MPPED2: variants seen among roughly 807,000 people sequenced by gnomAD.
MPPED2 encodes the protein metallophosphoesterase domain containing 2.
MPPED2 carries 5 observed loss-of-function variants against 33.0 expected under a neutral mutation model. The observed-to-expected ratio is 0.15, with a 90% CI of 0.08 to 0.32. The LOEUF (loss-of-function observed/expected upper bound fraction) is 0.32. MPPED2 is among the 10% of genes least tolerant of loss of function. MPPED2 has a pLI of 1.00. For synonymous variants in MPPED2, 136 were observed against 141.9 expected, an observed-to-expected ratio of 0.96 and a Z score of 0.29; for missense variants, 275 against 372.1, an observed-to-expected ratio of 0.74 and a Z score of 2.15.
intron 4 of MPPED2, among the ~76,000 whole-genome samples, chr11:30,479,751 G>A (rs1817143236): frequency 6.6e-6 from 1 of 151,998 alleles, no homozygotes. Flanking sequence ...ATTAGTAGCT[G>A]TCTGTTGCTT....
At chr11:30,446,012 T>C (rs1051038966) in intron 4 of MPPED2, among the ~76,000 whole-genome samples, 42 of 152,346 alleles carry the variant, frequency 2.8e-4, no homozygotes, top group African/African-American at 8.7e-4. Context: ...CAGTGGCATG[T>C]GTACATGTGT....
intron 2 of MPPED2, among the ~76,000 whole-genome samples, chr11:30,539,982 C>T (rs1239280312): frequency 6.6e-6 from 1 of 152,084 alleles, no homozygotes; most frequent in East Asian, 1.9e-4. Context: ...TCCCCCTGTG[C>T]AACCCATCCT....
At chr11:30,401,248 T>G (rs1426937294) in intron 6 of MPPED2, among the ~76,000 whole-genome samples, 4 of 152,308 alleles carry the variant, frequency 2.6e-5, no homozygotes, top group Admixed American at 2.0e-4. Flanking sequence ...TCCCATCACT[T>G]GGAAAGAAAC....
At chr11:30,476,339 C>T (rs560382634) in intron 4 of MPPED2, among the ~76,000 whole-genome samples, 44 of 151,812 alleles carry the variant, frequency 2.9e-4, no homozygotes, top group African/African-American at 1.1e-3. Flanking sequence ...TTGCCCATTC[C>T]AAGGTTGCAA....
At chr11:30,423,188 C>A (rs1016079166) in intron 4 of MPPED2, among the ~76,000 whole-genome samples, 16 of 152,152 alleles carry the variant, frequency 1.1e-4, no homozygotes, top group African/African-American at 3.4e-4. Flanking sequence ...TTTACTCCCC[C>A]ACAAACTTCA....
intron 4 of MPPED2, among the ~76,000 whole-genome samples, chr11:30,468,375 C>T (rs1229540820): frequency 6.6e-6 from 1 of 152,126 alleles, no homozygotes; most frequent in Non-Finnish European, 1.5e-5. Context: ...TGTGGCATAG[C>T]CTACCACTGT....
chr11:30,498,355 C>T (rs1952388264), intron 3 of MPPED2, among the ~76,000 whole-genome samples: 1 of 152,060 alleles, frequency 6.6e-6, no homozygotes. Context: ...GAGGTCAAGA[C>T]AGGCAGATCA....
intron 3 of MPPED2, among the ~76,000 whole-genome samples, chr11:30,523,700 T>C (rs1029003983): frequency 3.4e-5 from 5 of 145,280 alleles, no homozygotes; most frequent in African/African-American, 1.0e-4. Context: ...TGATCTCAGC[T>C]CACCGCAACC....
At chr11:30,547,584 A>G (rs1373968864) in intron 2 of MPPED2, among the ~76,000 whole-genome samples, 2 of 152,198 alleles carry the variant, frequency 1.3e-5, no homozygotes, top group African/African-American at 4.8e-5. Flanking sequence ...TTTGTATTGT[A>G]TAACTTTGTA....
intron 2 of MPPED2, among the ~76,000 whole-genome samples, chr11:30,557,711 T>C (rs920902805): frequency 2.6e-5 from 4 of 152,230 alleles, no homozygotes; most frequent in Admixed American, 2.6e-4. Context: ...TATAGAATGA[T>C]CTGGATCAAC....
At chr11:30,510,739 T>C (rs1034717035) in intron 3 of MPPED2, among the ~76,000 whole-genome samples, 1 of 152,210 alleles carries the variant, frequency 6.6e-6, no homozygotes, top group African/African-American at 2.4e-5. Context: ...TGAATTACTT[T>C]GGAGCGTTCT....
chr11:30,557,002 G>C (rs1290479349), intron 2 of MPPED2, among the ~76,000 whole-genome samples: 1 of 151,678 alleles, frequency 6.6e-6, no homozygotes, highest in Non-Finnish European at 1.5e-5. Context: ...AATCATAAGG[G>C]GGTTAGTTTT....
intron 3 of MPPED2, among the ~76,000 whole-genome samples, chr11:30,531,334 T>C (rs1376160198): frequency 6.6e-6 from 1 of 152,146 alleles, no homozygotes; most frequent in Non-Finnish European, 1.5e-5. Flanking sequence ...GCACAGGTTG[T>C]CTGGGCAAAT....
intron 2 of MPPED2, among the ~76,000 whole-genome samples, chr11:30,543,190 T>G (rs1565169405): frequency 6.6e-6 from 1 of 152,324 alleles, no homozygotes; most frequent in East Asian, 1.9e-4. Context: ...GATAAAGATA[T>G]AAAGGTTCCT....
intron 4 of MPPED2, among the ~76,000 whole-genome samples, chr11:30,481,083 ATACTG>A (rs1951464924): frequency 6.6e-6 from 1 of 152,178 alleles, no homozygotes; most frequent in Non-Finnish European, 1.5e-5. Flanking sequence ...ACAGTAGCTA[ATACTG>A]TAGCTAAAAG....
At chr11:30,557,128 T>C (rs546429453) in intron 2 of MPPED2, among the ~76,000 whole-genome samples, 1 of 151,362 alleles carries the variant, frequency 6.6e-6, no homozygotes, top group South Asian at 2.1e-4. Context: ...TAAACAGTGC[T>C]AGATTCAGTT....
At chr11:30,498,670 A>G (rs1441431029) in intron 3 of MPPED2, among the ~76,000 whole-genome samples, 1 of 152,208 alleles carries the variant, frequency 6.6e-6, no homozygotes, top group Non-Finnish European at 1.5e-5. Context: ...CTTTGACAAA[A>G]TGTCAAATAG....
intron 4 of MPPED2, among the ~76,000 whole-genome samples, chr11:30,461,987 G>A (rs1444695721): frequency 6.6e-6 from 1 of 152,224 alleles, no homozygotes; most frequent in Admixed American, 6.5e-5. Context: ...TTGTAAGTTA[G>A]CAAGTTTTCA....
chr11:30,457,047 C>T (rs774133183), intron 4 of MPPED2, among the ~76,000 whole-genome samples: 2 of 152,142 alleles, frequency 1.3e-5, no homozygotes, highest in Non-Finnish European at 2.9e-5. Flanking sequence ...GGGGGTCAAT[C>T]TTCTTCTCAC....
Sources: allele counts gnomAD v4.1 joint callset (sites outside exome capture counted in the v4.1 genomes callset), GRCh38; gene constraint gnomAD v4.1.1; transcripts MANE v1.5; gene names NCBI Gene and HGNC (gene_info 2026-07-23, HGNC 2026-07-21).